Variants in SLC24A2 observed in about 807,000 individuals in gnomAD.
SLC24A2 encodes the protein sodium/potassium/calcium exchanger 2.
Under a neutral mutation model 62.0 loss-of-function variants are expected in SLC24A2, and 36 were observed. The observed-to-expected ratio is 0.58, with a 90% confidence interval of 0.44 to 0.77. The LOEUF is 0.77. SLC24A2 is among the 30% of genes least tolerant of loss of function. The pLI, the probability that SLC24A2 is intolerant of heterozygous loss-of-function variation, is 0.00. For synonymous variants in SLC24A2, 358 were observed against 294.0 expected, an observed-to-expected ratio of 1.22 and a Z score of -2.23; for missense variants, 846 against 817.9, an observed-to-expected ratio of 1.03 and a Z score of -0.42.
At chr9:20,025,631 A>G in the SLC24A2 span, among the ~76,000 whole-genome samples, 1 of 152,158 alleles carries the variant, frequency 6.6e-6, no homozygotes, top group East Asian at 1.9e-4. Flanking sequence ...ATGAAGATGA[A>G]TGCCACTAAT....
chr9:19,871,666 G>T, the SLC24A2 span, among the ~76,000 whole-genome samples: 1 of 152,082 alleles, frequency 6.6e-6, no homozygotes, highest in African/African-American at 2.4e-5. Context: ...ATTGAAAAAA[G>T]GCTAAAACTA....
the SLC24A2 span, among the ~76,000 whole-genome samples, chr9:20,239,534 G>A: frequency 1.3e-5 from 2 of 152,094 alleles, no homozygotes; most frequent in Non-Finnish European, 2.9e-5. Flanking sequence ...TCATGGGGAG[G>A]GGCCCTCTTA....
At chr9:19,689,806 G>A (rs1819990527) in intron 2 of SLC24A2, among the ~76,000 whole-genome samples, 1 of 152,092 alleles carries the variant, frequency 6.6e-6, no homozygotes, top group Non-Finnish European at 1.5e-5. Flanking sequence ...CTGGGCCAAG[G>A]GATGCCCAGA....
At chr9:20,047,370 C>A in the SLC24A2 span, among the ~76,000 whole-genome samples, 1 of 151,668 alleles carries the variant, frequency 6.6e-6, no homozygotes, top group South Asian at 2.1e-4. Context: ...ACTTATAAAC[C>A]ATTTAACACC....
intron 2 of SLC24A2, among the ~76,000 whole-genome samples, chr9:19,647,068 G>GCGCACA (rs746685999): frequency 7.6e-4 from 61 of 80,048 alleles, no homozygotes; most frequent in Admixed American, 1.2e-3. Context: ...ACACACGCGC[G>GCGCACA]CACACACACA....
intron 2 of SLC24A2, among the ~76,000 whole-genome samples, chr9:19,712,216 C>T (rs1820735263): frequency 6.6e-6 from 1 of 152,140 alleles, no homozygotes; most frequent in Non-Finnish European, 1.5e-5. Context: ...TGTGATGTGG[C>T]TAGTACACTG....
At chr9:19,609,891 C>T (rs976573341) in intron 4 of SLC24A2, among the ~76,000 whole-genome samples, 1 of 152,132 alleles carries the variant, frequency 6.6e-6, no homozygotes, top group Non-Finnish European at 1.5e-5. Context: ...ATGCACAGTT[C>T]ACCATAGAGT....
At chr9:20,232,158 T>G in the SLC24A2 span, among the ~76,000 whole-genome samples, 1 of 152,162 alleles carries the variant, frequency 6.6e-6, no homozygotes, top group Non-Finnish European at 1.5e-5. Context: ...TGAGGATTTT[T>G]GCATCAATGT....
the SLC24A2 span, among the ~76,000 whole-genome samples, chr9:19,949,043 G>C: frequency 2.6e-5 from 4 of 151,552 alleles, no homozygotes; most frequent in Non-Finnish European, 5.9e-5. Context: ...GCCTAGGCTG[G>C]AGTGCAGTGG....
chr9:19,576,094 CCT>C (rs1201885401), intron 6 of SLC24A2, among the ~76,000 whole-genome samples: 1 of 151,990 alleles, frequency 6.6e-6, no homozygotes, highest in East Asian at 1.9e-4. Flanking sequence ...AAAAATTTTC[CCT>C]GAGGTAGAAG....
chr9:19,554,167 G>A (rs1834972070), intron 7 of SLC24A2, among the ~76,000 whole-genome samples: 1 of 152,206 alleles, frequency 6.6e-6, no homozygotes, highest in Non-Finnish European at 1.5e-5. Context: ...AAGGCCACAT[G>A]AAGATGGGGA....
chr9:20,055,398 G>A, the SLC24A2 span, among the ~76,000 whole-genome samples: 3 of 152,108 alleles, frequency 2.0e-5, no homozygotes, highest in Admixed American at 6.5e-5. Flanking sequence ...CTACTTGACA[G>A]GCACTGTCCA....
intron 2 of SLC24A2, among the ~76,000 whole-genome samples, chr9:19,680,605 C>CACATATAT (rs1819692721): frequency 6.8e-6 from 1 of 147,612 alleles, no homozygotes; most frequent in Non-Finnish European, 1.5e-5. Context: ...AGTTCTATAA[C>CACATATAT]ATATATATAT....
At chr9:19,873,593 CT>C in the SLC24A2 span, among the ~76,000 whole-genome samples, 1 of 138,532 alleles carries the variant, frequency 7.2e-6, no homozygotes, top group African/African-American at 2.6e-5. Flanking sequence ...CTTCCCTTTC[CT>C]TTTCCTTTCT....
chr9:20,196,988 T>C, the SLC24A2 span, among the ~76,000 whole-genome samples: 1 of 152,254 alleles, frequency 6.6e-6, no homozygotes, highest in South Asian at 2.1e-4. Context: ...TTTTAATGAC[T>C]ACATAACATT....
chr9:19,944,440 G>GT, the SLC24A2 span, among the ~76,000 whole-genome samples: 5 of 94,394 alleles, frequency 5.3e-5, no homozygotes, highest in Admixed American at 1.1e-4. Flanking sequence ...AAAAGTAGTA[G>GT]TAAAAAAAAA....
At chr9:19,571,739 C>G (rs374304954) in intron 7 of SLC24A2, among the ~76,000 whole-genome samples, 1 of 152,174 alleles carries the variant, frequency 6.6e-6, no homozygotes, top group Non-Finnish European at 1.5e-5. Flanking sequence ...AATTAACATG[C>G]AAGTTTGGGG....
intron 2 of SLC24A2, among the ~76,000 whole-genome samples, chr9:19,752,702 AAGAGAGAG>A (rs5896861): frequency 6.6e-6 from 1 of 151,356 alleles, no homozygotes; most frequent in Non-Finnish European, 1.5e-5. Flanking sequence ...CACTGAGAGA[AAGAGAGAG>A]AGAGAGGGAG....
At chr9:19,550,733 T>A (rs1004914073) in intron 7 of SLC24A2, among the ~76,000 whole-genome samples, 12 of 151,842 alleles carry the variant, frequency 7.9e-5, no homozygotes, top group Non-Finnish European at 1.3e-4. Flanking sequence ...ACACTGATTT[T>A]CATCAGGCAA....
Sources: gnomAD v4.1 joint callset for allele counts (sites outside exome capture counted in the v4.1 genomes callset) on GRCh38, gnomAD v4.1.1 for gene constraint, MANE v1.5 for transcripts, NCBI Gene and HGNC (gene_info 2026-07-23, HGNC 2026-07-21) for gene names.